WDPCP: variants seen among roughly 807,000 people sequenced by gnomAD.
WDPCP encodes the protein WD repeat containing planar cell polarity effector.
In WDPCP, 71 loss-of-function variants were observed where a neutral mutation model predicts 93.1. The observed-to-expected ratio is 0.76, with a 90% CI of 0.63 to 0.93. WDPCP has a LOEUF of 0.93. Among genes scored for constraint, WDPCP ranks in the 40% least tolerant of loss-of-function variants. WDPCP has a pLI of 0.00. For missense variants in WDPCP, 844 were observed against 887.4 expected (o/e 0.95, Z 0.62); for synonymous variants, 315 against 315.0 (o/e 1.00, Z 0.00).
intron 2 of WDPCP, among the ~76,000 whole-genome samples, chr2:63,665,365 C>T (rs1710271091): frequency 6.6e-6 from 1 of 152,182 alleles, no homozygotes; most frequent in Admixed American, 6.5e-5. Flanking sequence ...CAATCTCTGC[C>T]TTCACATGGC....
intron 14 of WDPCP, among the ~76,000 whole-genome samples, chr2:63,191,373 C>A (rs2104227964): frequency 6.6e-6 from 1 of 152,146 alleles, no homozygotes; most frequent in East Asian, 1.9e-4. Context: ...GCCTGGGTGA[C>A]AGAGCCAGAC....
At chr2:63,615,249 A>G (rs1709660433) in intron 3 of WDPCP, among the ~76,000 whole-genome samples, 1 of 152,228 alleles carries the variant, frequency 6.6e-6, no homozygotes, top group African/African-American at 2.4e-5. Context: ...GGTGGATCCC[A>G]GTAAACACAA....
rs13398841 is a variant in WDPCP, at chr2:63,528,521, A to G, written c.76-35581T>C. Among the ~76,000 whole-genome samples the G allele has an allele frequency of 8.9e-4, 136 of 152,276 alleles. No homozygotes were observed. In the Middle Eastern group the frequency reaches 0.01, roughly 11 times the overall value. On this transcript the variant is annotated intron_variant, in intron 1 of 17. Coordinates refer to ENST00000272321, the MANE Select transcript of WDPCP (RefSeq NM_015910.7). ...TTATCAGGTTTGTCAAAGATCAGAT[A>G]GTTGTAGATGTGTGGTATTATTTCT...
chr2:63,655,577 C>T (rs1710158339), intron 2 of WDPCP, among the ~76,000 whole-genome samples: 3 of 152,050 alleles, frequency 2.0e-5, no homozygotes, highest in Admixed American at 2.0e-4. Context: ...AATACATTCA[C>T]ATGATTCAAA....
chr2:63,206,437 G>A (rs1393782231), intron 14 of WDPCP, among the ~76,000 whole-genome samples: 1 of 151,986 alleles, frequency 6.6e-6, no homozygotes, highest in Non-Finnish European at 1.5e-5. Flanking sequence ...GCATCTGTAA[G>A]GCAGTCCTTT....
rs1184647744 is a variant in WDPCP at position 63,616,961 on chromosome 2, A to C, written n.488+33698T>G. ...TTCTCTAACATCCCCAAAAGTAAAA[A>C]TAAAGCTGGAGTAGGTGGAAAAACA... On this transcript the variant is annotated intron_variant and non_coding_transcript_variant, in intron 3 of 4. Coordinates refer to the WDPCP transcript ENST00000467687. Among the ~76,000 whole-genome samples the C allele has an allele frequency of 2.0e-5, 3 of 152,244 alleles. No individual in the cohort carries two copies. The East Asian group carries it at 5.8e-4, about 29-fold the overall frequency.
In WDPCP at chr2:63,724,310, A is replaced by G. The variant is rs183894933; in HGVS notation, n.309-73472T>C. On this transcript the variant is annotated intron_variant and non_coding_transcript_variant, in intron 2 of 4. Coordinates refer to the WDPCP transcript ENST00000467687. ...TTAATAGACTTAAAAAATGGTCTTC[A>G]GCCTTTTTTTTTTCATCTTCTAAAC... is the stretch of plus-strand genomic sequence containing the variant. Among the ~76,000 whole-genome samples, 125 of 152,090 alleles carry G rather than the reference A, an allele frequency of 8.2e-4. 4 individuals carry two copies. In the East Asian group the frequency reaches 0.015, roughly 18 times the overall value.
chr2:63,779,252 C>A (rs1670352946), intron 2 of WDPCP, among the ~76,000 whole-genome samples: 1 of 152,152 alleles, frequency 6.6e-6, no homozygotes. Flanking sequence ...CTAGCAGGAA[C>A]TGTGAAAATG....
intron 14 of WDPCP, among the ~76,000 whole-genome samples, chr2:63,247,376 G>A (rs566869297): frequency 2.6e-5 from 4 of 152,164 alleles, no homozygotes; most frequent in African/African-American, 9.6e-5. Flanking sequence ...TATGTCACAC[G>A]TTTACTCTTA....
chr2:63,529,080 G>C (rs926132528), intron 1 of WDPCP, among the ~76,000 whole-genome samples: 1 of 152,214 alleles, frequency 6.6e-6, no homozygotes. Flanking sequence ...CTGAGACTTT[G>C]CTGAAGTTGC....
At chr2:63,622,747 G>C in intron 3 of WDPCP, 1 of 1,613,228 alleles carries the variant, frequency 6.2e-7, no homozygotes, top group East Asian at 2.2e-5. Context: ...TTGCTATAGG[G>C]ATTCGGGTAC....
At chr2:63,545,289 A>ATG (rs35733507) in intron 1 of WDPCP, among the ~76,000 whole-genome samples, 10,326 of 149,174 alleles carry the variant, frequency 0.069, 1,080 homozygotes, top group African/African-American at 0.23. Flanking sequence ...TGTGAGTAGA[A>ATG]TGTGTGTGTG....
intron 1 of WDPCP, among the ~76,000 whole-genome samples, chr2:63,524,999 G>T (rs1330569764): frequency 6.6e-6 from 1 of 152,080 alleles, no homozygotes; most frequent in African/African-American, 2.4e-5. Context: ...CAACCTAAAA[G>T]TTCATCAATG....
At chr2:63,605,516 A>G (rs774655565) in intron 3 of WDPCP, 4 of 705,990 alleles carry the variant, frequency 5.7e-6, no homozygotes, top group Non-Finnish European at 9.6e-6. Flanking sequence ...TCAGCTGCCT[A>G]TTAACAAGTA....
intron 2 of WDPCP, among the ~76,000 whole-genome samples, chr2:63,800,863 G>A (rs775899034): frequency 9.9e-5 from 15 of 152,130 alleles, no homozygotes; most frequent in Non-Finnish European, 2.1e-4. Context: ...AGGCCAGCCT[G>A]GGCAACAGAG....
intron 10 of WDPCP, among the ~76,000 whole-genome samples, chr2:63,401,095 C>T (rs537294704): frequency 3.9e-5 from 6 of 152,190 alleles, no homozygotes; most frequent in Non-Finnish European, 7.4e-5. Flanking sequence ...GCAAAGACTT[C>T]ATGACGAAAA....
intron 2 of WDPCP, among the ~76,000 whole-genome samples, chr2:63,667,008 G>C (rs1710292043): frequency 1.6e-5 from 1 of 63,602 alleles, no homozygotes; most frequent in Non-Finnish European, 2.7e-5. Context: ...TTGCTAAATG[G>C]AACCATCTCC....
intron 14 of WDPCP, chr2:63,233,322 G>A: frequency 1.1e-5 from 3 of 273,158 alleles, no homozygotes; most frequent in East Asian, 1.0e-4. Flanking sequence ...GAGCTAGCTG[G>A]CTTCTTCATC....
intron 3 of WDPCP, among the ~76,000 whole-genome samples, chr2:63,608,833 A>G (rs1709583361): frequency 6.6e-6 from 1 of 152,094 alleles, no homozygotes; most frequent in Admixed American, 6.5e-5. Context: ...AAAATTACCT[A>G]GATCATTTTA....
Sources: allele counts gnomAD v4.1 joint callset (sites outside exome capture counted in the v4.1 genomes callset), GRCh38; gene constraint gnomAD v4.1.1; transcripts MANE v1.5; gene names NCBI Gene and HGNC (gene_info 2026-07-23, HGNC 2026-07-21).